DMRT1: variants seen among roughly 807,000 people sequenced by gnomAD.
DMRT1 encodes doublesex- and mab-3-related transcription factor 1.
In DMRT1, 7 loss-of-function variants were observed where a neutral mutation model predicts 32.3. The observed-to-expected ratio is 0.22, with a 90% CI of 0.12 to 0.41. DMRT1 has a LOEUF of 0.41. DMRT1 is among the 10% of genes least tolerant of loss of function. The pLI, the probability that DMRT1 is intolerant of heterozygous loss-of-function variation, is 1.00. For synonymous variants in DMRT1, 278 were observed against 206.1 expected, an observed-to-expected ratio of 1.35 and a Z score of -2.99; for missense variants, 625 against 500.5, an observed-to-expected ratio of 1.25 and a Z score of -2.37.
chr9:883,379 C>T (rs1028595480), intron 2 of DMRT1, among the ~76,000 whole-genome samples: 2 of 152,186 alleles, frequency 1.3e-5, no homozygotes, highest in South Asian at 2.1e-4. Flanking sequence ...ATCAGGGGAA[C>T]CTGTACTTTG....
chr9:851,153 G>T (rs1839133537), intron 2 of DMRT1, among the ~76,000 whole-genome samples: 1 of 152,120 alleles, frequency 6.6e-6, no homozygotes, highest in Non-Finnish European at 1.5e-5. Flanking sequence ...GCACACCTTG[G>T]GGCAAGTTGC....
chr9:897,467 G>A (rs958709963), intron 3 of DMRT1, among the ~76,000 whole-genome samples: 2 of 151,784 alleles, frequency 1.3e-5, no homozygotes, highest in Non-Finnish European at 2.9e-5. Flanking sequence ...GGTAATATAC[G>A]TATAAAGGAA....
At chr9:847,836 A>G (rs4500131) in intron 2 of DMRT1, among the ~76,000 whole-genome samples, 103,128 of 152,150 alleles carry the variant, frequency 0.68, 36,225 homozygotes, top group Middle Eastern at 0.77. Context: ...GGCTTTTTAA[A>G]TTTAAATTCA....
Position 958,932 on chromosome 9 carries a change from T to C in DMRT1, c.968-9053T>C, listed in dbSNP as rs555681449. Among the ~76,000 whole-genome samples, 41 of 152,318 alleles carry C rather than the reference T, an allele frequency of 2.7e-4. 1 individual carries two copies. The highest frequency in any genetic ancestry group is 9.1e-4 in the African/African-American group (38 of 41,572). ...ATCCTTTTTCTTAGCCTTAACGAGA[T>C]GCCCATCAAGGTTGGGATTTCCATC... On this transcript the variant is annotated intron_variant, in intron 4 of 4. Transcript: ENST00000382276.
Position 887,106 on chromosome 9 carries a change from A to G in DMRT1, c.539-6806A>G, listed in dbSNP as rs553779590. On this transcript the variant is annotated intron_variant, in intron 2 of 4. Transcript: ENST00000382276. The stretch of plus-strand genomic sequence containing the variant: ...CTCCAGAGGCTGAGGCAGGAGAATC[A>G]CTTGAACCTGGGAGGCGGAGGTTGC... 6.0e-4 allele frequency among the ~76,000 whole-genome samples: 91 copies of G among 152,282 alleles called. No individual in the cohort carries two copies. In the South Asian group the frequency reaches 8.5e-3, roughly 14 times the overall value.
At chr9:850,619 A>G (rs1839102909) in intron 2 of DMRT1, among the ~76,000 whole-genome samples, 1 of 152,196 alleles carries the variant, frequency 6.6e-6, no homozygotes. Context: ...TTCATATGTA[A>G]TATAAAATAT....
At chr9:961,911 G>A (rs1332259757) in intron 4 of DMRT1, among the ~76,000 whole-genome samples, 2 of 152,180 alleles carry the variant, frequency 1.3e-5, no homozygotes, top group African/African-American at 4.8e-5. Context: ...CACAGATGGA[G>A]AAACTAGGGC....
At chr9:873,394 C>G (rs1351401479) in intron 2 of DMRT1, among the ~76,000 whole-genome samples, 1 of 152,014 alleles carries the variant, frequency 6.6e-6, no homozygotes, top group Non-Finnish European at 1.5e-5. Flanking sequence ...TAACCTCCAC[C>G]TCCCGGGTTC....
At chr9:872,488 C>A (rs577039049) in intron 2 of DMRT1, among the ~76,000 whole-genome samples, 96 of 152,176 alleles carry the variant, frequency 6.3e-4, no homozygotes, top group Non-Finnish European at 1.1e-3. Context: ...TACTGGGTTT[C>A]TTCCCCCAGC....
chr9:930,555 C>T (rs568848622), intron 4 of DMRT1, among the ~76,000 whole-genome samples: 2 of 152,086 alleles, frequency 1.3e-5, no homozygotes, highest in East Asian at 3.9e-4. Context: ...GCTACAGGCG[C>T]CCGCCACCAT....
intron 4 of DMRT1, among the ~76,000 whole-genome samples, chr9:945,198 G>C (rs1819202453): frequency 6.6e-6 from 1 of 151,972 alleles, no homozygotes; most frequent in Non-Finnish European, 1.5e-5. Flanking sequence ...CTGTTGCCCA[G>C]GCTGGAGTCC....
At chr9:918,994 C>G (rs1818271156) in intron 4 of DMRT1, among the ~76,000 whole-genome samples, 1 of 152,220 alleles carries the variant, frequency 6.6e-6, no homozygotes, top group East Asian at 1.9e-4. Context: ...GTGGGGTGTT[C>G]TTTGAGAGCA....
intron 2 of DMRT1, among the ~76,000 whole-genome samples, chr9:880,669 T>G (rs1816695038): frequency 7.1e-6 from 1 of 141,560 alleles, no homozygotes; most frequent in South Asian, 2.1e-4. Flanking sequence ...GAGGTTGCAG[T>G]GAGCTGAGAT....
intron 3 of DMRT1, among the ~76,000 whole-genome samples, chr9:915,344 C>G (rs1027084165): frequency 6.6e-6 from 1 of 152,146 alleles, no homozygotes; most frequent in African/African-American, 2.4e-5. Context: ...AGGGGGGGCC[C>G]TTTCTAAGCC....
At chr9:964,816 A>C (rs1181926025) in intron 4 of DMRT1, among the ~76,000 whole-genome samples, 1 of 152,152 alleles carries the variant, frequency 6.6e-6, no homozygotes, top group African/African-American at 2.4e-5. Context: ...TATGGTTCTT[A>C]TTACATGTCA....
intron 2 of DMRT1, among the ~76,000 whole-genome samples, chr9:867,983 T>C (rs993474840): frequency 6.6e-6 from 1 of 152,192 alleles, no homozygotes; most frequent in African/African-American, 2.4e-5. Flanking sequence ...AAATCAACAA[T>C]TGTTGTTTTT....
At chr9:967,051 G>A (rs569043972) in intron 4 of DMRT1, among the ~76,000 whole-genome samples, 63 of 152,172 alleles carry the variant, frequency 4.1e-4, no homozygotes, top group Non-Finnish European at 7.2e-4. Flanking sequence ...ATTTGGAATT[G>A]GTGACAAACT....
chr9:937,519 T>G (rs1053846182), intron 4 of DMRT1, among the ~76,000 whole-genome samples: 5 of 152,172 alleles, frequency 3.3e-5, no homozygotes, highest in African/African-American at 4.8e-5. Flanking sequence ...TTGTTTTCCG[T>G]TTTTTTGATA....
chr9:912,164 C>G (rs1818013376), intron 3 of DMRT1, among the ~76,000 whole-genome samples: 1 of 152,118 alleles, frequency 6.6e-6, no homozygotes, highest in Admixed American at 6.6e-5. Flanking sequence ...GGGAAACTGC[C>G]AAACACTTTT....
Sources: allele counts gnomAD v4.1 joint callset (sites outside exome capture counted in the v4.1 genomes callset), GRCh38; gene constraint gnomAD v4.1.1; transcripts MANE v1.5; gene names NCBI Gene and HGNC (gene_info 2026-07-23, HGNC 2026-07-21).